The following COL10A1 variants were observed in gnomAD, a reference collection of about 807,000 sequenced individuals.
The protein encoded by COL10A1 is collagen alpha-1(X) chain.
Under a neutral mutation model 18.2 loss-of-function variants are expected in COL10A1, and 10 were observed. The ratio of observed to expected loss-of-function variants is 0.55; its 90% CI spans 0.34 to 0.93. COL10A1 has a LOEUF of 0.93. Ranked by LOEUF, COL10A1 falls within the 40% of genes least tolerant of loss-of-function variation. The pLI is 0.02. For missense variants in COL10A1, 897 were observed against 853.5 expected, an observed-to-expected ratio of 1.05 and a Z score of -0.64; for synonymous variants, 330 against 316.6, an observed-to-expected ratio of 1.04 and a Z score of -0.45.
At chr6:116,133,243 T>C (rs899947167) in intron 1 of COL10A1, among the ~76,000 whole-genome samples, 1 of 152,216 alleles carries the variant, frequency 6.6e-6, no homozygotes, top group Non-Finnish European at 1.5e-5. Flanking sequence ...TCAGGGATCT[T>C]GGCTACCCAA....
chr6:116,195,678 A>C, the COL10A1 span, among the ~76,000 whole-genome samples: 3 of 152,194 alleles, frequency 2.0e-5, no homozygotes, highest in South Asian at 6.2e-4. Flanking sequence ...TGGAAAAGGC[A>C]CATCTTTAGA....
upstream of COL10A1, among the ~76,000 whole-genome samples, chr6:116,130,658 T>G (rs576727807): frequency 4.0e-3 from 602 of 152,200 alleles, 6 homozygotes; most frequent in African/African-American, 0.014. Context: ...GCACAGGGTG[T>G]TCATTAAATA....
the COL10A1 span, among the ~76,000 whole-genome samples, chr6:116,201,198 G>C: frequency 1.3e-5 from 2 of 151,972 alleles, no homozygotes; most frequent in South Asian, 4.1e-4. Flanking sequence ...CAATACATGA[G>C]CAGATAAAAA....
At chr6:116,177,299 A>G in the COL10A1 span, among the ~76,000 whole-genome samples, 4 of 152,096 alleles carry the variant, frequency 2.6e-5, no homozygotes, top group African/African-American at 9.7e-5. Flanking sequence ...CTGTGTTTTT[A>G]TTCATGGGCG....
the COL10A1 span, among the ~76,000 whole-genome samples, chr6:116,199,111 G>A: frequency 6.6e-6 from 1 of 151,934 alleles, no homozygotes; most frequent in Admixed American, 6.6e-5. Context: ...AAATGTCCCT[G>A]GGGGGTGAGG....
In COL10A1 at chr6:116,120,172, G is replaced by A. The variant is rs752542878; in HGVS notation, c.1944C>T (p.Asp648=). 5 of 1,613,942 alleles carry A rather than the reference G, an allele frequency of 3.1e-6. No homozygotes were observed. The African/African-American group carries it at 5.3e-5, about 17-fold the overall frequency. The change falls in exon 3 of 3, where the codon GAC becomes GAT. Residue 648 remains aspartate, a synonymous_variant. Transcript: ENST00000651968. Reference sequence around the variant, plus strand: ...CATTGGGAAGCTGGAGCCACACCTGGTCATTTTCTGTGAGATCGATGATGG... The same window carrying A: ...CATTGGGAAGCTGGAGCCACACCTGATCATTTTCTGTGAGATCGATGATGG... The part of the protein sequence containing the change: ...GSAIIDLTEN[D]QVWLQLPNAE...
Position 116,153,284 on chromosome 6 carries a change from A to T in COL10A1, c.-16+5330T>A, listed in dbSNP as rs554117098. 5.9e-5 allele frequency among the ~76,000 whole-genome samples: 9 copies of T among 152,218 alleles called. No homozygotes were observed. In the South Asian group the frequency reaches 1.9e-3, roughly 32 times the overall value. ...TGTTATATAAGACACATAAAAGATCAGAGTATTTTCACATCATGTTCTTAC... is the reference window on the plus strand; with the variant it reads ...TGTTATATAAGACACATAAAAGATCTGAGTATTTTCACATCATGTTCTTAC... On this transcript the variant is annotated intron_variant, in intron 1 of 1. Transcript: ENST00000418500.
chr6:116,150,290 AATT>A (rs1780007134), intron 1 of COL10A1, among the ~76,000 whole-genome samples: 1 of 151,600 alleles, frequency 6.6e-6, no homozygotes. Flanking sequence ...TTAACTTTTT[AATT>A]ATTATTTTTT....
At chr6:116,188,706 C>CT in the COL10A1 span, among the ~76,000 whole-genome samples, 73,909 of 146,146 alleles carry the variant, frequency 0.51, 19,138 homozygotes, top group African/African-American at 0.67. Context: ...AAATTTTCTA[C>CT]TTTTTTTTTT....
At chr6:116,149,979 A>G (rs977242458) in intron 1 of COL10A1, among the ~76,000 whole-genome samples, 1 of 152,212 alleles carries the variant, frequency 6.6e-6, no homozygotes, top group African/African-American at 2.4e-5. Flanking sequence ...TTTATTCCCT[A>G]TGATGTCTCC....
At chr6:116,141,885 AACACACACAC>A (rs3051942) in intron 1 of COL10A1, among the ~76,000 whole-genome samples, 35 of 140,400 alleles carry the variant, frequency 2.5e-4, no homozygotes, top group South Asian at 4.6e-4. Flanking sequence ...CCAAAAAGAA[AACACACACAC>A]ACACACACAC....
chr6:116,164,742 A>T, the COL10A1 span, among the ~76,000 whole-genome samples: 2 of 152,100 alleles, frequency 1.3e-5, no homozygotes, highest in South Asian at 4.1e-4. Flanking sequence ...TTTTTGGTGT[A>T]CTGGTCTAGT....
chr6:116,121,556 T>C lies in COL10A1; in HGVS notation c.560A>G (p.Gln187Arg). ...AGCACCATATCCCATTTCCCCTTTC[T>C]GTCCATTCATACCAGGGACTCCTGG... Reference protein sequence around the residue: ...GAPGVPGMNGQKGEMGYGAPG... With the variant: ...GAPGVPGMNGRKGEMGYGAPG... Residue 187 changes from glutamine to arginine, a missense_variant, in exon 3 of 3, where the codon CAG becomes CGG. Physicochemically the swap from Gln to Arg is conservative, Grantham distance 43. Coordinates refer to ENST00000651968, the MANE Select transcript of COL10A1 (RefSeq NM_000493.4). 2 of 1,614,030 alleles carry C rather than the reference T, an allele frequency of 1.2e-6. No individual in the cohort carries two copies. The highest frequency in any genetic ancestry group is 1.7e-6 in the Non-Finnish European group (2 of 1,179,976).
chr6:116,120,013 G>T lies in COL10A1; in HGVS notation c.*60C>A. 2.9e-6 allele frequency: 4 copies of T among 1,375,262 alleles called. No individual in the cohort carries two copies. The highest frequency in any genetic ancestry group is 4.1e-6 in the Non-Finnish European group (4 of 964,576). The allele number at this position is 1,375,262 out of a possible 1,614,324, so 85.2% of individuals were successfully genotyped here. Reference sequence around the variant, plus strand: ...CCTACCTCCATATGCATTTTGTAGGGTGGGGTAGAGTTAGAGAATGCTTTT... The same window carrying T: ...CCTACCTCCATATGCATTTTGTAGGTTGGGGTAGAGTTAGAGAATGCTTTT... On this transcript the variant is annotated 3_prime_UTR_variant, in exon 3 of 3. Transcript: ENST00000651968.
intron 1 of COL10A1, among the ~76,000 whole-genome samples, chr6:116,146,601 T>C (rs1445599542): frequency 6.6e-6 from 1 of 152,160 alleles, no homozygotes; most frequent in Non-Finnish European, 1.5e-5. Context: ...TAGGAATAAA[T>C]CTAGGGAAAA....
the COL10A1 span, among the ~76,000 whole-genome samples, chr6:116,211,588 C>A: frequency 6.6e-6 from 1 of 151,848 alleles, no homozygotes; most frequent in Non-Finnish European, 1.5e-5. Flanking sequence ...CATTCATTAG[C>A]CATGCCAAAT....
At chr6:116,187,063 G>T in the COL10A1 span, among the ~76,000 whole-genome samples, 1 of 152,042 alleles carries the variant, frequency 6.6e-6, no homozygotes, top group South Asian at 2.1e-4. Context: ...GTGCTCCCTT[G>T]TTGTGGTGTT....
intron 1 of COL10A1, among the ~76,000 whole-genome samples, chr6:116,131,996 G>T (rs1437601826): frequency 6.6e-6 from 1 of 152,126 alleles, no homozygotes; most frequent in Non-Finnish European, 1.5e-5. Context: ...TTCTGCAAAG[G>T]ACATTATCTT....
At chr6:116,197,896 A>G in the COL10A1 span, among the ~76,000 whole-genome samples, 4 of 152,166 alleles carry the variant, frequency 2.6e-5, no homozygotes, top group East Asian at 3.9e-4. Flanking sequence ...ACACATGTCT[A>G]CTTCATTAGG....
Sources: allele counts gnomAD v4.1 joint callset (sites outside exome capture counted in the v4.1 genomes callset), GRCh38; gene constraint gnomAD v4.1.1; transcripts MANE v1.5; gene names NCBI Gene and HGNC (gene_info 2026-07-23, HGNC 2026-07-21).